The following KCNH5 variants were observed in gnomAD, a reference collection of about 807,000 sequenced individuals.
The protein encoded by KCNH5 is voltage-gated delayed rectifier potassium channel KCNH5.
A neutral mutation model predicts 96.1 loss-of-function variants in KCNH5; 46 were observed. The observed-to-expected ratio is 0.48, with a 90% CI of 0.38 to 0.61. KCNH5 has a LOEUF of 0.61. Among genes scored for constraint, KCNH5 ranks in the 20% least tolerant of loss-of-function variants. The pLI, the probability that KCNH5 is intolerant of heterozygous loss-of-function variation, is 0.00. For synonymous variants in KCNH5, 439 were observed against 449.8 expected (o/e 0.98, Z 0.30); for missense variants, 907 against 1,225.8 (o/e 0.74, Z 3.88).
chr14:62,724,829 G>C (rs1884889418), intron 10 of KCNH5, among the ~76,000 whole-genome samples: 1 of 152,166 alleles, frequency 6.6e-6, no homozygotes, highest in African/African-American at 2.4e-5. Context: ...GCCTGTTTCT[G>C]TAGTGTTGCA....
At chr14:62,880,481 G>A (rs575168758) in intron 7 of KCNH5, among the ~76,000 whole-genome samples, 3 of 152,316 alleles carry the variant, frequency 2.0e-5, no homozygotes, top group South Asian at 4.1e-4. Context: ...CTGGTGGAAT[G>A]AGAAATTCTT....
chr14:62,811,077 G>GA (rs200334774), intron 8 of KCNH5, among the ~76,000 whole-genome samples: 8 of 149,406 alleles, frequency 5.4e-5, no homozygotes, highest in South Asian at 2.1e-4. Context: ...CAACCCTGGG[G>GA]AAAAAAAAAT....
intron 6 of KCNH5, among the ~76,000 whole-genome samples, chr14:62,978,460 A>G (rs935824276): frequency 5.9e-5 from 9 of 152,030 alleles, no homozygotes; most frequent in Admixed American, 5.9e-4. Flanking sequence ...TGTGGCGGGC[A>G]CCAGTAGTCC....
At position 62,700,335 on chromosome 14, in the gene KCNH5, G is replaced by A. The variant is rs928411660; in HGVS notation, c.*7173C>T. 5.3e-5 allele frequency: 8 copies of A among 152,272 alleles called. No homozygotes were observed. The highest frequency in any genetic ancestry group is 1.7e-4 in the African/African-American group (7 of 41,548). 9.4% of individuals were successfully genotyped at this position (152,272 alleles called of 1,614,324 possible). ...TTCATAACAATCACTTAAGAAATCTGTTCCTAATATGAAATGCATATTCCC... is the reference window on the plus strand; with the variant it reads ...TTCATAACAATCACTTAAGAAATCTATTCCTAATATGAAATGCATATTCCC... On this transcript the variant is annotated 3_prime_UTR_variant, in exon 11 of 11. Transcript: ENST00000322893.
intron 4 of KCNH5, among the ~76,000 whole-genome samples, chr14:62,994,031 T>C (rs1890862118): frequency 6.6e-6 from 1 of 152,100 alleles, no homozygotes; most frequent in South Asian, 2.1e-4. Context: ...CTCTTTGTCA[T>C]GGACTGCCTA....
At chr14:62,766,871 G>A (rs1336806447) in intron 10 of KCNH5, among the ~76,000 whole-genome samples, 1 of 152,030 alleles carries the variant, frequency 6.6e-6, no homozygotes, top group African/African-American at 2.4e-5. Context: ...TACTTGAGGG[G>A]ATGGATACCC....
chr14:62,882,600 G>C (rs909989669), intron 7 of KCNH5, among the ~76,000 whole-genome samples: 2 of 152,214 alleles, frequency 1.3e-5, no homozygotes, highest in African/African-American at 2.4e-5. Flanking sequence ...ATGTGCCCTG[G>C]AGAAATAGGG....
chr14:63,042,494 AAAGACAAGGCCAG>A (rs1363523470), intron 1 of KCNH5, among the ~76,000 whole-genome samples: 4 of 152,112 alleles, frequency 2.6e-5, no homozygotes, highest in Admixed American at 6.5e-5. Context: ...GTTCAGGTAA[AAAGACAAGGCCAG>A]CCTCTGTTTC....
At chr14:62,904,179 C>T (rs567892005) in intron 7 of KCNH5, among the ~76,000 whole-genome samples, 166 of 152,250 alleles carry the variant, frequency 1.1e-3, no homozygotes, top group African/African-American at 3.7e-3. Flanking sequence ...TCCACAATGG[C>T]CTATAAATAA....
chr14:63,042,779 C>G (rs1293059790), intron 1 of KCNH5, among the ~76,000 whole-genome samples: 1 of 152,078 alleles, frequency 6.6e-6, no homozygotes, highest in Non-Finnish European at 1.5e-5. Flanking sequence ...ATGTGTAGAC[C>G]AATTTAATAC....
intron 10 of KCNH5, among the ~76,000 whole-genome samples, chr14:62,737,394 C>A (rs1885181107): frequency 6.6e-6 from 1 of 152,088 alleles, no homozygotes; most frequent in African/African-American, 2.4e-5. Flanking sequence ...TACTGACTAC[C>A]ACTGGAGTCA....
intron 7 of KCNH5, among the ~76,000 whole-genome samples, chr14:62,856,446 C>A (rs1437558350): frequency 6.6e-6 from 1 of 152,172 alleles, no homozygotes. Context: ...TTGGCAGTAA[C>A]GCTTAAGGCC....
At chr14:62,853,973 C>T (rs184411161) in intron 7 of KCNH5, among the ~76,000 whole-genome samples, 2 of 149,280 alleles carry the variant, frequency 1.3e-5, no homozygotes, top group African/African-American at 2.5e-5. Context: ...CACCACTGCA[C>T]TCCAGCCTGG....
intron 7 of KCNH5, among the ~76,000 whole-genome samples, chr14:62,949,181 AAT>A (rs1283903817): frequency 2.6e-5 from 4 of 152,230 alleles, no homozygotes; most frequent in African/African-American, 9.6e-5. Context: ...AGGAGAAGGA[AAT>A]AAAGGATATT....
chr14:63,020,696 T>C (rs890328585), intron 1 of KCNH5, among the ~76,000 whole-genome samples: 1 of 152,182 alleles, frequency 6.6e-6, no homozygotes, highest in African/African-American at 2.4e-5. Flanking sequence ...GTAATTGTTC[T>C]CTATCTTGAT....
intron 8 of KCNH5, among the ~76,000 whole-genome samples, chr14:62,827,674 GT>G (rs1443871876): frequency 6.6e-6 from 1 of 152,070 alleles, no homozygotes; most frequent in East Asian, 1.9e-4. Context: ...AAGTGACCAG[GT>G]TTTTTGTCTG....
Position 62,928,798 on chromosome 14 carries a change from T to C in KCNH5, c.1369+21335A>G, listed in dbSNP as rs562028847. 9.9e-5 allele frequency among the ~76,000 whole-genome samples: 15 copies of C among 152,214 alleles called. No individual in the cohort carries two copies. The East Asian group carries it at 2.9e-3, about 29-fold the overall frequency. ...CTAGATTTCTTCCTAACTCACTTCATTCTCAGTCTTTTTGCTGGTTTCACC... is the reference window on the plus strand; with the variant it reads ...CTAGATTTCTTCCTAACTCACTTCACTCTCAGTCTTTTTGCTGGTTTCACC... On this transcript the variant is annotated intron_variant, in intron 7 of 10. Transcript: ENST00000322893.
intron 8 of KCNH5, among the ~76,000 whole-genome samples, chr14:62,839,980 A>C (rs1020283570): frequency 1.3e-5 from 2 of 152,114 alleles, no homozygotes; most frequent in Admixed American, 6.6e-5. Flanking sequence ...ATTGTATTTC[A>C]AGCATCATCA....
At chr14:62,904,401 C>G (rs563254093) in intron 7 of KCNH5, among the ~76,000 whole-genome samples, 1 of 152,294 alleles carries the variant, frequency 6.6e-6, no homozygotes, top group Admixed American at 6.5e-5. Flanking sequence ...GACTTATTAA[C>G]TAGAGTGGGT....
Sources: gnomAD v4.1 joint callset for allele counts (sites outside exome capture counted in the v4.1 genomes callset) on GRCh38, gnomAD v4.1.1 for gene constraint, MANE v1.5 for transcripts, NCBI Gene and HGNC (gene_info 2026-07-23, HGNC 2026-07-21) for gene names.